KCNN2: variants seen among roughly 807,000 people sequenced by gnomAD.
KCNN2 encodes small conductance calcium-activated potassium channel protein 2.
KCNN2 carries 24 observed loss-of-function variants against 55.5 expected under a neutral mutation model. That is an observed-to-expected ratio of 0.43 (90% CI 0.31 to 0.61). The LOEUF (loss-of-function observed/expected upper bound fraction) is 0.61, where lower values mean the gene tolerates loss of function less well. Among genes scored for constraint, KCNN2 ranks in the 20% least tolerant of loss-of-function variants. KCNN2 has a pLI of 0.08. For synonymous variants in KCNN2, 431 were observed against 336.1 expected (o/e 1.28, Z -3.09); for missense variants, 754 against 853.6 (o/e 0.88, Z 1.45).
chr5:114,202,054 C>T (rs994483700), intron 1 of KCNN2, among the ~76,000 whole-genome samples: 5 of 152,122 alleles, frequency 3.3e-5, no homozygotes, highest in South Asian at 2.1e-4. Flanking sequence ...AGGGACCATC[C>T]GAGGGATGTG....
At chr5:114,416,650 T>C (rs774033079) in intron 3 of KCNN2, among the ~76,000 whole-genome samples, 8 of 152,254 alleles carry the variant, frequency 5.3e-5, no homozygotes, top group Non-Finnish European at 7.3e-5. Flanking sequence ...TTTGCTTTCA[T>C]GTCTCTGCTC....
chr5:114,326,511 T>C (rs1192964846), intron 2 of KCNN2, among the ~76,000 whole-genome samples: 1 of 152,184 alleles, frequency 6.6e-6, no homozygotes, highest in African/African-American at 2.4e-5. Context: ...CCATGGCCAG[T>C]TCTGCCTGTG....
chr5:114,288,782 T>G (rs1283631534), intron 2 of KCNN2, among the ~76,000 whole-genome samples: 1 of 152,178 alleles, frequency 6.6e-6, no homozygotes, highest in African/African-American at 2.4e-5. Flanking sequence ...AGATATATGA[T>G]TTGCAAATAT....
At chr5:114,233,952 T>C (rs530780368) in intron 2 of KCNN2, among the ~76,000 whole-genome samples, 2 of 152,268 alleles carry the variant, frequency 1.3e-5, no homozygotes, top group Middle Eastern at 3.4e-3. Flanking sequence ...TTATATATAC[T>C]TCATTCATTT....
chr5:114,386,039 G>A lies in KCNN2; in HGVS notation c.1219-18399G>A, dbSNP rs1035340925. Reference sequence around the variant, plus strand: ...TAAAAAAAAATACAAAAAATTAGCCGGGCATGGTGGCAGGCACTTGTAGTC... The same window carrying A: ...TAAAAAAAAATACAAAAAATTAGCCAGGCATGGTGGCAGGCACTTGTAGTC... On this transcript the variant is annotated intron_variant, in intron 2 of 7. Transcript: ENST00000673685. Among the ~76,000 whole-genome samples the A allele has an allele frequency of 3.3e-5, 5 of 151,830 alleles. No individual in the cohort carries two copies. In the East Asian group the frequency reaches 5.8e-4, roughly 18 times the overall value.
chr5:114,362,471 C>CCTG lies in KCNN2; in HGVS notation c.350_352dup (p.Cys117dup), dbSNP rs567706065. ...ACCTCCTCGCCGCTGTCGGGCTCGT[C>CCTG]CTGCTGCTGCTGCTGCTGCTCGTCG... On this transcript the variant is annotated inframe_insertion, in exon 1 of 8. Coordinates refer to ENST00000673685, the MANE Select transcript of KCNN2 (RefSeq NM_021614.4). 5,812 of 444,272 alleles carry CCTG rather than the reference C, an allele frequency of 0.013. 37 individuals are homozygous for CCTG. Among genetic ancestry groups the CCTG allele is most frequent in the African/African-American group, 0.016 (760 of 48,088 alleles). 27.5% of individuals were successfully genotyped at this position (444,272 alleles called of 1,614,324 possible). A position where few individuals can be genotyped will look rare whatever the true frequency, so the allele number is the denominator to read the frequency against.
intron 1 of KCNN2, among the ~76,000 whole-genome samples, chr5:114,171,577 A>G (rs995993808): frequency 6.6e-6 from 1 of 151,892 alleles, no homozygotes; most frequent in East Asian, 1.9e-4. Flanking sequence ...CTCTCCTTAT[A>G]GCATGTATGG....
chr5:114,462,961 AG>A, intron 3 of KCNN2, 87 bp from the exon 4 acceptor site: 2 of 1,244,198 alleles, frequency 1.6e-6, no homozygotes, highest in Non-Finnish European at 2.3e-6. Context: ...TAGAAGATAC[AG>A]TAAATTCGTT....
intron 3 of KCNN2, among the ~76,000 whole-genome samples, chr5:114,441,465 C>T (rs1026254590): frequency 6.6e-6 from 1 of 152,084 alleles, no homozygotes; most frequent in Non-Finnish European, 1.5e-5. Flanking sequence ...GAATTAGCAT[C>T]AATGTGTAAT....
intron 2 of KCNN2, among the ~76,000 whole-genome samples, chr5:114,355,752 T>C (rs1757283876): frequency 6.6e-6 from 1 of 152,150 alleles, no homozygotes; most frequent in South Asian, 2.1e-4. Context: ...TCCTCCCTTA[T>C]TATTTGAAAA....
chr5:114,103,208 G>A (rs1263398910), intron 1 of KCNN2, among the ~76,000 whole-genome samples: 4 of 152,122 alleles, frequency 2.6e-5, no homozygotes, highest in South Asian at 2.1e-4. Context: ...AATTGTGAAT[G>A]GGAGTACACT....
At chr5:114,253,055 T>C (rs1468174008) in intron 2 of KCNN2, among the ~76,000 whole-genome samples, 1 of 152,142 alleles carries the variant, frequency 6.6e-6, no homozygotes, top group Non-Finnish European at 1.5e-5. Flanking sequence ...TTGAACAGCC[T>C]TTCTGTACAT....
At chr5:114,138,653 G>C (rs1752216994) in intron 1 of KCNN2, among the ~76,000 whole-genome samples, 2 of 152,106 alleles carry the variant, frequency 1.3e-5, no homozygotes, top group Non-Finnish European at 2.9e-5. Context: ...CCTCCCTTTA[G>C]GGCAGGGGTT....
In KCNN2 at chr5:114,391,457, G is replaced by A. The variant is rs149270948; in HGVS notation, c.1219-12981G>A. Reference sequence around the variant, plus strand: ...GCCCCAAACCACTCAGCTAGTAAGTGGTCAAGCCAGAAATTAAATCCAAGC... The same window carrying A: ...GCCCCAAACCACTCAGCTAGTAAGTAGTCAAGCCAGAAATTAAATCCAAGC... On this transcript the variant is annotated intron_variant, in intron 2 of 7. Transcript: ENST00000673685. Among the ~76,000 whole-genome samples, 846 of 152,130 alleles carry A rather than the reference G, an allele frequency of 5.6e-3. 8 individuals are homozygous for A. Among genetic ancestry groups the A allele is most frequent in the African/African-American group, 0.02 (814 of 41,508 alleles).
intron 1 of KCNN2, among the ~76,000 whole-genome samples, chr5:114,069,318 C>A (rs6880609): frequency 6.6e-6 from 1 of 151,692 alleles, no homozygotes; most frequent in African/African-American, 2.4e-5. Context: ...TCACTACCAC[C>A]CTCCATCAGA....
chr5:114,336,220 A>G (rs774191690), intron 2 of KCNN2, among the ~76,000 whole-genome samples: 22 of 152,232 alleles, frequency 1.4e-4, no homozygotes, highest in Non-Finnish European at 2.4e-4. Context: ...CAAAAAGAAG[A>G]ACATGTTGGG....
At chr5:114,343,792 A>T (rs1179641621) in intron 2 of KCNN2, among the ~76,000 whole-genome samples, 1 of 152,092 alleles carries the variant, frequency 6.6e-6, no homozygotes, top group Non-Finnish European at 1.5e-5. Context: ...TGGTGGATAG[A>T]GTATTTATAC....
intron 2 of KCNN2, among the ~76,000 whole-genome samples, chr5:114,331,794 CT>C (rs921598829): frequency 3.3e-5 from 5 of 152,116 alleles, no homozygotes; most frequent in East Asian, 1.9e-4. Flanking sequence ...CAAAAATATT[CT>C]TTTTTTTCTT....
chr5:114,274,565 G>A (rs563824844), intron 2 of KCNN2, among the ~76,000 whole-genome samples: 2 of 152,152 alleles, frequency 1.3e-5, no homozygotes, highest in African/African-American at 2.4e-5. Flanking sequence ...CCTTTAAGTT[G>A]TATTCCTAGG....
Sources: allele counts gnomAD v4.1 joint callset (sites outside exome capture counted in the v4.1 genomes callset), GRCh38; gene constraint gnomAD v4.1.1; transcripts MANE v1.5; gene names NCBI Gene and HGNC (gene_info 2026-07-23, HGNC 2026-07-21).